Variants in LCMT1 observed in about 807,000 individuals in gnomAD.
LCMT1 encodes leucine carboxyl methyltransferase 1.
A neutral mutation model predicts 47.7 loss-of-function variants in LCMT1; 32 were observed. The observed-to-expected ratio is 0.67, with a 90% CI of 0.51 to 0.90. The LOEUF (loss-of-function observed/expected upper bound fraction) is 0.90. LCMT1 is among the 40% of genes least tolerant of loss of function. The pLI is 0.00. For synonymous variants in LCMT1, 152 were observed against 149.7 expected, an observed-to-expected ratio of 1.02 and a Z score of -0.11; for missense variants, 375 against 415.2, an observed-to-expected ratio of 0.90 and a Z score of 0.84.
chr16:25,165,897 T>A lies in LCMT1; in HGVS notation c.690+1179T>A, dbSNP rs1321835402. Among the ~76,000 whole-genome samples, 10 of 152,304 alleles carry A rather than the reference T, an allele frequency of 6.6e-5. No homozygotes were observed. In the East Asian group the frequency reaches 1.7e-3, roughly 26 times the overall value. On this transcript the variant is annotated intron_variant, in intron 7 of 10. Coordinates refer to ENST00000399069, the MANE Select transcript of LCMT1 (RefSeq NM_016309.3). ...GTTGTGAGATATAAATGAGTTAATG[T>A]ATTCAAAAGCACTGACAGTGTTGCC... is the stretch of plus-strand genomic sequence containing the variant.
intron 4 of LCMT1, among the ~76,000 whole-genome samples, chr16:25,150,562 T>G (rs1157476848): frequency 1.3e-5 from 2 of 152,066 alleles, no homozygotes; most frequent in Non-Finnish European, 2.9e-5. Flanking sequence ...CGGGCTGGTC[T>G]TGAACTCCCG....
intron 4 of LCMT1, chr16:25,143,192 A>G (rs563719549): frequency 6.6e-6 from 1 of 152,238 alleles, no homozygotes; most frequent in East Asian, 1.9e-4. Context: ...ACCTAACAGG[A>G]GGTCAGTGGT....
At chr16:25,145,125 T>G (rs1960811486) in intron 4 of LCMT1, 1 of 152,178 alleles carries the variant, frequency 6.6e-6, no homozygotes, top group Admixed American at 6.5e-5. Flanking sequence ...GGACCAGCAA[T>G]GAAGTGATTG....
chr16:25,131,505 C>T (rs970984834), intron 2 of LCMT1, among the ~76,000 whole-genome samples: 1 of 152,162 alleles, frequency 6.6e-6, no homozygotes, highest in Non-Finnish European at 1.5e-5. Flanking sequence ...ATACAATGTA[C>T]AATTCCAAAT....
intron 7 of LCMT1, 96 bp downstream of exon 7, chr16:25,164,814 C>T (rs1961538989): frequency 6.6e-7 from 1 of 1,518,998 alleles, no homozygotes. Flanking sequence ...TATCCTTTTC[C>T]TTCTGCCTCC....
intron 1 of LCMT1, among the ~76,000 whole-genome samples, chr16:25,117,582 G>A (rs550012569): frequency 9.9e-5 from 15 of 152,244 alleles, no homozygotes; most frequent in Non-Finnish European, 1.5e-5. Context: ...GGCCTGGTGC[G>A]GTGGCTCACA....
chr16:25,148,996 G>C (rs77172428), intron 4 of LCMT1: 10,068 of 152,224 alleles, frequency 0.066, 393 homozygotes, highest in East Asian at 0.14. Context: ...AACTGACATC[G>C]GGAGAGGGCA....
At chr16:25,146,396 G>A (rs1280872838) in intron 4 of LCMT1, 6 of 152,508 alleles carry the variant, frequency 3.9e-5, no homozygotes, top group African/African-American at 1.4e-4. Flanking sequence ...CCTGCCGGCT[G>A]TCCTGTTTTA....
intron 7 of LCMT1, among the ~76,000 whole-genome samples, chr16:25,168,576 T>C (rs1479568526): frequency 1.3e-5 from 2 of 152,220 alleles, no homozygotes; most frequent in African/African-American, 4.8e-5. Flanking sequence ...GAAGCAAGGC[T>C]GCCACATTCC....
intron 1 of LCMT1, among the ~76,000 whole-genome samples, chr16:25,114,998 G>A (rs1959741887): frequency 6.6e-6 from 1 of 152,046 alleles, no homozygotes. Context: ...CATCCACATG[G>A]AGCCTATGCA....
intron 3 of LCMT1, among the ~76,000 whole-genome samples, chr16:25,136,635 T>C (rs1960513639): frequency 6.6e-6 from 1 of 152,032 alleles, no homozygotes; most frequent in Non-Finnish European, 1.5e-5. Flanking sequence ...CTGTAACCTC[T>C]GCCTCCAAGG....
chr16:25,161,233 G>T, intron 6 of LCMT1, 29 bp downstream of exon 6: 1 of 1,269,072 alleles, frequency 7.9e-7, no homozygotes, highest in South Asian at 1.3e-5. Context: ...AACCTCTTCT[G>T]CATTTGTGAT....
chr16:25,158,360 A>G (rs1305752953), intron 5 of LCMT1, among the ~76,000 whole-genome samples: 1 of 152,174 alleles, frequency 6.6e-6, no homozygotes, highest in East Asian at 1.9e-4. Flanking sequence ...CTGGTCTCGA[A>G]CTGGCCTTCA....
At chr16:25,173,024 T>C (rs182861313) in intron 9 of LCMT1, among the ~76,000 whole-genome samples, 3 of 152,202 alleles carry the variant, frequency 2.0e-5, no homozygotes, top group African/African-American at 7.2e-5. Flanking sequence ...GTAAGGAGAT[T>C]GGAAGGCCTT....
chr16:25,178,072 TGGA>T lies in LCMT1; in HGVS notation c.*54_*56del, dbSNP rs770813782. On this transcript the variant is annotated 3_prime_UTR_variant, in exon 11 of 11. Transcript: ENST00000399069. The stretch of plus-strand genomic sequence containing the variant: ...CAGAAGCCGAAGCCACTTGCCCTCC[TGGA>T]GGAGACCTGCAAGCTCCCTGAGCGG... 3.1e-6 allele frequency: 5 copies of T among 1,601,360 alleles called. No individual in the cohort carries two copies. The African/African-American group carries it at 6.7e-5, about 21-fold the overall frequency.
intron 6 of LCMT1, 62 bp downstream of exon 6, chr16:25,161,266 G>A: frequency 2.3e-6 from 2 of 865,960 alleles, no homozygotes; most frequent in Non-Finnish European, 3.7e-6. Context: ...ATGAGATAAG[G>A]CCAGTCGGAA....
chr16:25,170,642 CAG>C, intron 8 of LCMT1, 70 bp from the exon 9 acceptor site: 3 of 1,184,076 alleles, frequency 2.5e-6, no homozygotes, highest in South Asian at 1.3e-5. Context: ...TAAAACAAAA[CAG>C]TGTCTTAGAT....
At chr16:25,133,501 C>T (rs369441209) in intron 3 of LCMT1, among the ~76,000 whole-genome samples, 5 of 142,804 alleles carry the variant, frequency 3.5e-5, no homozygotes, top group Non-Finnish European at 6.0e-5. Context: ...CGGGTTCAAG[C>T]GATTCTCCTG....
At chr16:25,154,827 T>TA in intron 5 of LCMT1, among the ~76,000 whole-genome samples, 1 of 152,286 alleles carries the variant, frequency 6.6e-6, no homozygotes, top group East Asian at 1.9e-4. Context: ...AACTTTTTTT[T>TA]ATTGAACTTT....
Sources: allele counts gnomAD v4.1 joint callset (sites outside exome capture counted in the v4.1 genomes callset), GRCh38; gene constraint gnomAD v4.1.1; transcripts MANE v1.5; gene names NCBI Gene and HGNC (gene_info 2026-07-23, HGNC 2026-07-21).